Variants in COL5A1 observed in about 807,000 individuals in gnomAD.
COL5A1 encodes collagen alpha-1(V) chain.
COL5A1 carries 16 observed loss-of-function variants against 263.7 expected under a neutral mutation model. That is an observed-to-expected ratio of 0.06 (90% confidence interval 0.04 to 0.09). COL5A1 has a LOEUF of 0.09. Ranked by LOEUF, COL5A1 falls within the 10% of genes least tolerant of loss-of-function variation. The probability of loss-of-function intolerance (pLI) is 1.00; values close to 1 mark genes in which losing one functional copy is unlikely to be tolerated. For synonymous variants in COL5A1, 1,012 were observed against 1,004.5 expected, an observed-to-expected ratio of 1.01 and a Z score of -0.14; for missense variants, 2,036 against 2,540.5, an observed-to-expected ratio of 0.80 and a Z score of 4.27.
Position 134,642,944 on chromosome 9 carries a change from G to A in COL5A1, c.109+648G>A, listed in dbSNP as rs527671432. ...CCCACCCCCAAACTTCTTGATCCCT[G>A]GAAGGCAGCTTTTCCTGGATTCGCT... On this transcript the variant is annotated intron_variant, in intron 1 of 65. Transcript: ENST00000371817. The surrounding 1 kb of genome is among the most constrained non-coding windows in gnomAD (Gnocchi z 4.5). 1.3e-5 allele frequency among the ~76,000 whole-genome samples: 2 copies of A among 152,358 alleles called. No homozygotes were observed. The highest frequency in any genetic ancestry group is 2.9e-5 in the Non-Finnish European group (2 of 68,024).
rs1402022149 is a variant in COL5A1 at position 134,795,312 on chromosome 9, C to T, written c.2796C>T (p.Pro932=). 3 of 1,613,514 alleles carry T rather than the reference C, an allele frequency of 1.9e-6. No homozygotes were observed. The South Asian group carries it at 3.3e-5, about 18-fold the overall frequency. The change falls in exon 34 of 66, where the codon CCC becomes CCT. Residue 932 remains proline (P), a synonymous_variant. Transcript: ENST00000371817. ...GPRGITGKPG[P]KGNSGGDGPA... ...GGGGCATCACTGGGAAGCCTGGCCC[C>T]AAGGTATGTTTTTGGCCTCCTGGGC... is the stretch of plus-strand genomic sequence containing the variant.
chr9:134,823,458 C>A lies in COL5A1; in HGVS notation c.4687C>A (p.Pro1563Thr). Reference protein sequence around the residue: ...PKGEAGHPGPPGPPGPPGEVI... With the variant: ...PKGEAGHPGPTGPPGPPGEVI... ...GGGTGAGGCAGGCCACCCAGGACCCCCAGGCCCCCCGGTAAGTAGCCCTTG... is the reference window on the plus strand; with the variant it reads ...GGGTGAGGCAGGCCACCCAGGACCCACAGGCCCCCCGGTAAGTAGCCCTTG... The change falls in exon 61 of 66, where the codon CCA becomes ACA. Residue 1563 changes from proline (P) to threonine (T), a missense_variant. Physicochemically the swap from Pro to Thr is conservative, Grantham distance 38. Around this residue, in one of 3 missense-constraint regions of COL5A1, gnomAD observed 358 missense variants for 384.6 expected, o/e 0.93. Transcript: ENST00000371817. 6.2e-7 allele frequency: 1 copy of A among 1,614,194 alleles called. No individual in the cohort carries two copies.
intron 1 of COL5A1, among the ~76,000 whole-genome samples, chr9:134,687,474 T>TCATC (rs1367118211): frequency 2.2e-3 from 333 of 150,774 alleles, no homozygotes; most frequent in African/African-American, 6.5e-3. Flanking sequence ...ATCCATCCAT[T>TCATC]CATCCATCCA....
chr9:134,842,123 T>C lies in COL5A1; in HGVS notation c.5371-34T>C. On this transcript the variant is annotated intron_variant, in intron 65 of 65. Coordinates refer to ENST00000371817, the MANE Select transcript of COL5A1 (RefSeq NM_000093.5). This position sits in a 1 kb window ranked among gnomAD's most constrained non-coding sequence, Gnocchi z 5.8. ...TAAACCCCAAGACCCCCAACTGTTC[T>C]TAACCACCGGCCATCTGTCTCCCTC... 4.3e-6 allele frequency: 7 copies of C among 1,613,932 alleles called. No individual in the cohort carries two copies. Among genetic ancestry groups the C allele is most frequent in the Non-Finnish European group, 5.9e-6 (7 of 1,179,900 alleles).
chr9:134,780,248 G>GCGACATCCACCTCAGC, intron 28 of COL5A1, 102 bp downstream of exon 28: 2 of 1,146,926 alleles, frequency 1.7e-6, no homozygotes, highest in Non-Finnish European at 2.6e-6. Context: ...ACCAGCTGAG[G>GCGACATCCACCTCAGC]TGGATGTCGC....
rs939375148 is a variant in COL5A1 at position 134,757,683 on chromosome 9, G to A, written c.1882-560G>A. On this transcript the variant is annotated intron_variant, in intron 17 of 65. Coordinates refer to ENST00000371817, the MANE Select transcript of COL5A1 (RefSeq NM_000093.5). The surrounding 1 kb of genome is among the most constrained non-coding windows in gnomAD (Gnocchi z 6.2). ...TGAAAGCCTAAAATGTCCCATCATC[G>A]ACATCACCCCAGATGGTGTGCACAC... Among the ~76,000 whole-genome samples the A allele has an allele frequency of 5.3e-5, 8 of 152,110 alleles. No homozygotes were observed. Among genetic ancestry groups the A allele is most frequent in the African/African-American group, 1.4e-4 (6 of 41,418 alleles).
intron 61 of COL5A1, among the ~76,000 whole-genome samples, chr9:134,824,139 C>T (rs889832441): frequency 6.6e-6 from 1 of 152,148 alleles, no homozygotes; most frequent in African/African-American, 2.4e-5. Flanking sequence ...TGTGGAGTCT[C>T]TCCAACTCCC....
At position 134,842,000 on chromosome 9, in the gene COL5A1, T is replaced by A. The variant is rs62571434; in HGVS notation, c.5371-157T>A. On this transcript the variant is annotated intron_variant, in intron 65 of 65. Transcript: ENST00000371817. This position sits in a 1 kb window ranked among gnomAD's most constrained non-coding sequence, Gnocchi z 4.8. Reference sequence around the variant, plus strand: ...GTTAAATGCATGCTCTGATCAGCCATATTTCCTCCAACACTTGCCCGGGCA... The same window carrying A: ...GTTAAATGCATGCTCTGATCAGCCAAATTTCCTCCAACACTTGCCCGGGCA... Among the ~76,000 whole-genome samples the A allele has an allele frequency of 1.3e-5, 2 of 152,084 alleles. No homozygotes were observed. Among genetic ancestry groups the A allele is most frequent in the Non-Finnish European group, 2.9e-5 (2 of 68,020 alleles).
intron 1 of COL5A1, among the ~76,000 whole-genome samples, chr9:134,664,015 C>T (rs1832286330): frequency 6.6e-6 from 1 of 152,204 alleles, no homozygotes; most frequent in African/African-American, 2.4e-5. Context: ...TGCCCACCCT[C>T]GGGAATCAGT....
intron 1 of COL5A1, among the ~76,000 whole-genome samples, chr9:134,651,062 T>C (rs1831664739): frequency 1.3e-5 from 2 of 152,186 alleles, no homozygotes; most frequent in African/African-American, 4.8e-5. Flanking sequence ...CTCCTGTTTG[T>C]TTGCTGGCGC....
At chr9:134,784,743 A>T (rs1013505467) in intron 29 of COL5A1, among the ~76,000 whole-genome samples, 4 of 152,268 alleles carry the variant, frequency 2.6e-5, no homozygotes, top group African/African-American at 9.6e-5. Flanking sequence ...AATAAATAGC[A>T]GGCAACCTCG....
At chr9:134,753,070 G>A (rs1302517761) in intron 14 of COL5A1, among the ~76,000 whole-genome samples, 1 of 152,110 alleles carries the variant, frequency 6.6e-6, no homozygotes, top group Non-Finnish European at 1.5e-5. Context: ...GAGGGATGGG[G>A]TCCTGCTGCA....
In COL5A1 at chr9:134,785,960, G is replaced by A. The variant is rs73664134; in HGVS notation, c.2593-35G>A. The A allele has an allele frequency of 5.7e-5, 90 of 1,588,444 alleles. No homozygotes were observed. In the African/African-American group the frequency reaches 1.0e-3, roughly 18 times the overall value. ...CCGGGGAAACGGATGGAGCAATACC[G>A]TGCTGGCCATTAATGCAACTCTTTC... On this transcript the variant is annotated intron_variant, in intron 30 of 65. Coordinates refer to ENST00000371817, the MANE Select transcript of COL5A1 (RefSeq NM_000093.5).
intron 1 of COL5A1, among the ~76,000 whole-genome samples, chr9:134,671,798 T>A (rs1408452324): frequency 6.6e-6 from 1 of 152,246 alleles, no homozygotes; most frequent in Non-Finnish European, 1.5e-5. Flanking sequence ...GCCAATTTCC[T>A]TGTATTTCTA....
rs112115446 is a variant in COL5A1, at chr9:134,700,249, C to T, written c.491+127C>T. The T allele has an allele frequency of 4.7e-4, 410 of 871,544 alleles. No individual in the cohort carries two copies. The highest frequency in any genetic ancestry group is 2.1e-3 in the African/African-American group (127 of 60,054). The allele number at this position is 871,544 out of a possible 1,614,324, so 54.0% of individuals were successfully genotyped here. The stretch of plus-strand genomic sequence containing the variant: ...CCGGTACTGAGACTCCCACAGACGC[C>T]GCAGCAGAGGAGAGGGTGCTGGGCT... On this transcript the variant is annotated intron_variant, in intron 3 of 65. Transcript: ENST00000371817. The surrounding 1 kb of genome is among the most constrained non-coding windows in gnomAD (Gnocchi z 4.0).
intron 4 of COL5A1, among the ~76,000 whole-genome samples, chr9:134,722,818 G>T (rs988159852): frequency 2.3e-4 from 35 of 152,210 alleles, no homozygotes; most frequent in African/African-American, 8.2e-4. Flanking sequence ...GGGGGAGAGA[G>T]AGAAGGAGAA....
intron 64 of COL5A1, among the ~76,000 whole-genome samples, chr9:134,830,696 G>A (rs573319667): frequency 6.6e-6 from 1 of 152,330 alleles, no homozygotes; most frequent in East Asian, 1.9e-4. Flanking sequence ...CACTGTACGA[G>A]TCACGTTTTC....
At position 134,757,770 on chromosome 9, in the gene COL5A1, C is replaced by T. The variant is rs993688157; in HGVS notation, c.1882-473C>T. On this transcript the variant is annotated intron_variant, in intron 17 of 65. Transcript: ENST00000371817. This position sits in a 1 kb window ranked among gnomAD's most constrained non-coding sequence, Gnocchi z 6.2. ...TGCAGAAGAGGGGCCGGCCAGAGAG[C>T]CAGGATGCCTGAGGGTAGCCAGTGC... Among the ~76,000 whole-genome samples the T allele has an allele frequency of 6.6e-6, 1 of 152,198 alleles. No individual in the cohort carries two copies. The highest frequency in any genetic ancestry group is 1.5e-5 in the Non-Finnish European group (1 of 68,038).
chr9:134,800,692 C>T (rs1414958115), intron 37 of COL5A1, among the ~76,000 whole-genome samples: 2 of 141,356 alleles, frequency 1.4e-5, no homozygotes, highest in South Asian at 2.2e-4. Flanking sequence ...CTGCCGTGAG[C>T]CGAGATCGTG....
Sources: allele counts gnomAD v4.1 joint callset (sites outside exome capture counted in the v4.1 genomes callset), GRCh38; gene constraint gnomAD v4.1.1; regional missense constraint gnomAD v4.1.1; non-coding constraint Gnocchi (gnomAD v3.1); transcripts MANE v1.5; gene names NCBI Gene and HGNC (gene_info 2026-07-23, HGNC 2026-07-21).